The following ZNF704 variants were observed in gnomAD, a reference collection of about 807,000 sequenced individuals.
ZNF704 encodes glucocorticoid induced gene 1.
Under a neutral mutation model 44.7 loss-of-function variants are expected in ZNF704, and 10 were observed. The ratio of observed to expected loss-of-function variants is 0.22; its 90% confidence interval spans 0.14 to 0.38. The LOEUF (loss-of-function observed/expected upper bound fraction) is 0.38, where lower values mean the gene tolerates loss of function less well. Ranked by LOEUF, ZNF704 falls within the 10% of genes least tolerant of loss-of-function variation. The pLI, the probability that ZNF704 is intolerant of heterozygous loss-of-function variation, is 1.00. For missense variants in ZNF704, 390 were observed against 545.5 expected (o/e 0.71, Z 2.84); for synonymous variants, 211 against 207.6 (o/e 1.02, Z -0.14).
intron 2 of ZNF704, among the ~76,000 whole-genome samples, chr8:80,695,629 C>T (rs538044473): frequency 6.6e-6 from 1 of 152,290 alleles, no homozygotes; most frequent in African/African-American, 2.4e-5. Flanking sequence ...CTAAGGTGAA[C>T]ATTTTGCTTT....
At chr8:80,788,460 GAT>G (rs1807650368) in intron 2 of ZNF704, among the ~76,000 whole-genome samples, 1 of 152,206 alleles carries the variant, frequency 6.6e-6, no homozygotes, top group Admixed American at 6.5e-5. Flanking sequence ...TCTCCTAGGT[GAT>G]AAAAGTGGTC....
At chr8:80,652,611 A>C (rs1817942062) in intron 7 of ZNF704, among the ~76,000 whole-genome samples, 1 of 152,222 alleles carries the variant, frequency 6.6e-6, no homozygotes, top group African/African-American at 2.4e-5. Context: ...TCCCAAGACT[A>C]AACCAGGAAG....
chr8:80,773,381 A>T (rs138415535), intron 2 of ZNF704, among the ~76,000 whole-genome samples: 1 of 152,310 alleles, frequency 6.6e-6, no homozygotes, highest in East Asian at 1.9e-4. Context: ...GTTGAAGTGG[A>T]GTACAGATAT....
At chr8:80,878,493 G>A (rs1237480438), upstream of ZNF704, among the ~76,000 whole-genome samples, 3 of 152,148 alleles carry the variant, frequency 2.0e-5, no homozygotes, top group African/African-American at 7.2e-5. Flanking sequence ...TGGATTTGTT[G>A]AGATTAGTAG....
At chr8:80,681,844 C>T (rs968435254) in intron 4 of ZNF704, among the ~76,000 whole-genome samples, 4 of 152,142 alleles carry the variant, frequency 2.6e-5, no homozygotes, top group Admixed American at 1.3e-4. Flanking sequence ...CAAAGTCCTT[C>T]GAACTCCAAT....
At chr8:80,722,119 A>G (rs963987558) in intron 2 of ZNF704, among the ~76,000 whole-genome samples, 1 of 152,188 alleles carries the variant, frequency 6.6e-6, no homozygotes, top group Non-Finnish European at 1.5e-5. Flanking sequence ...ACATGCCTGT[A>G]GTCCCAGCTA....
intron 7 of ZNF704, among the ~76,000 whole-genome samples, chr8:80,654,810 A>G (rs1382669520): frequency 6.6e-6 from 1 of 152,250 alleles, no homozygotes; most frequent in Non-Finnish European, 1.5e-5. Context: ...AGAACTAGAA[A>G]TACCATTTGA....
intron 2 of ZNF704, among the ~76,000 whole-genome samples, chr8:80,721,838 A>G (rs1180989334): frequency 6.6e-6 from 1 of 152,248 alleles, no homozygotes; most frequent in Non-Finnish European, 1.5e-5. Flanking sequence ...TAAAAATGTT[A>G]CATATATGGA....
Position 80,636,570 on chromosome 8 carries a change from A to T in ZNF704, c.*4796T>A, listed in dbSNP as rs1817665562. ...ACAATGCAAAAAAGATACATGAAACAGTTCCAATATGGAGGAATCCCCACA... is the reference window on the plus strand; with the variant it reads ...ACAATGCAAAAAAGATACATGAAACTGTTCCAATATGGAGGAATCCCCACA... On this transcript the variant is annotated 3_prime_UTR_variant, in exon 9 of 9. Coordinates refer to ENST00000327835, the MANE Select transcript of ZNF704 (RefSeq NM_001033723.3). 1 of 152,246 alleles carries T rather than the reference A, an allele frequency of 6.6e-6. No individual in the cohort carries two copies. Among genetic ancestry groups the T allele is most frequent in the Non-Finnish European group, 1.5e-5 (1 of 68,040 alleles). 9.4% of individuals were successfully genotyped at this position (152,246 alleles called of 1,614,324 possible).
At chr8:80,808,365 T>A (rs1406842536) in intron 2 of ZNF704, among the ~76,000 whole-genome samples, 1 of 152,240 alleles carries the variant, frequency 6.6e-6, no homozygotes, top group Non-Finnish European at 1.5e-5. Flanking sequence ...TGAAGATGGA[T>A]TTGAGGCTTA....
At chr8:80,776,571 T>A (rs1414343499) in intron 2 of ZNF704, 1 of 152,228 alleles carries the variant, frequency 6.6e-6, no homozygotes, top group African/African-American at 2.4e-5. Context: ...GCAAATTGTT[T>A]TCTAGATTAG....
chr8:80,739,614 T>C (rs549214112), intron 2 of ZNF704, among the ~76,000 whole-genome samples: 69 of 152,188 alleles, frequency 4.5e-4, no homozygotes, highest in Non-Finnish European at 8.4e-4. Context: ...GCTAGTTTCT[T>C]TCTCCTTACC....
intron 1 of ZNF704, among the ~76,000 whole-genome samples, chr8:80,829,677 G>A (rs577524347): frequency 1.4e-4 from 21 of 152,236 alleles, no homozygotes; most frequent in African/African-American, 4.6e-4. Context: ...TGTTATAACT[G>A]TATGTCATGC....
At chr8:80,728,079 A>T (rs1233388746) in intron 2 of ZNF704, among the ~76,000 whole-genome samples, 1 of 152,214 alleles carries the variant, frequency 6.6e-6, no homozygotes, top group Admixed American at 6.5e-5. Flanking sequence ...AATAATATTA[A>T]ATAATATAGT....
At chr8:80,683,768 C>T (rs376729209) in intron 4 of ZNF704, among the ~76,000 whole-genome samples, 2 of 152,212 alleles carry the variant, frequency 1.3e-5, no homozygotes, top group Non-Finnish European at 2.9e-5. Flanking sequence ...CAAATATTTC[C>T]TCCTCACTAC....
chr8:80,806,701 C>A (rs907500908), intron 2 of ZNF704, among the ~76,000 whole-genome samples: 2 of 152,114 alleles, frequency 1.3e-5, no homozygotes, highest in African/African-American at 4.8e-5. Context: ...TACAAAATAC[C>A]ACAACCAAGA....
chr8:80,827,860 G>C (rs1808406052), intron 1 of ZNF704, among the ~76,000 whole-genome samples: 1 of 152,148 alleles, frequency 6.6e-6, no homozygotes, highest in African/African-American at 2.4e-5. Context: ...GGGAAAACTG[G>C]CTAGCCATAT....
Position 80,657,139 on chromosome 8 carries a change from G to A in ZNF704, c.1032+2446C>T, listed in dbSNP as rs11997140. ...GCTGTTATGAGAGCTAGCCCACCAG[G>A]AGAAGGAGGAGGAGGAGGACAGCAG... On this transcript the variant is annotated intron_variant, in intron 7 of 8. Transcript: ENST00000327835. Among the ~76,000 whole-genome samples, 1,010 of 152,238 alleles carry A rather than the reference G, an allele frequency of 6.6e-3. 12 individuals carry two copies. Among genetic ancestry groups the A allele is most frequent in the African/African-American group, 0.024 (980 of 41,526 alleles).
chr8:80,765,100 A>G (rs1031464630), intron 2 of ZNF704, among the ~76,000 whole-genome samples: 9 of 152,200 alleles, frequency 5.9e-5, no homozygotes, highest in African/African-American at 2.2e-4. Flanking sequence ...AGCTAATGGT[A>G]TAACTCTCAG....
Sources: allele counts gnomAD v4.1 joint callset (sites outside exome capture counted in the v4.1 genomes callset), GRCh38; gene constraint gnomAD v4.1.1; transcripts MANE v1.5; gene names NCBI Gene and HGNC (gene_info 2026-07-23, HGNC 2026-07-21).